The following CR1 variants were observed in gnomAD, a reference collection of about 807,000 sequenced individuals.
CR1 encodes the protein complement receptor type 1.
Under a neutral mutation model 187.3 loss-of-function variants are expected in CR1, and 116 were observed. The observed-to-expected ratio is 0.62, with a 90% CI of 0.53 to 0.72. The LOEUF is 0.72. Among genes scored for constraint, CR1 ranks in the 30% least tolerant of loss-of-function variants. CR1 has a pLI of 0.00. For synonymous variants in CR1, 576 were observed against 747.1 expected (o/e 0.77, Z 3.73); for missense variants, 1,731 against 2,110.7 (o/e 0.82, Z 3.52).
At chr1:207,500,020 C>A (rs1301408242) in intron 1 of CR1, among the ~76,000 whole-genome samples, 1 of 152,156 alleles carries the variant, frequency 6.6e-6, no homozygotes, top group Non-Finnish European at 1.5e-5. Context: ...TTGTCAGAGG[C>A]ATTAAGTAGA....
intron 28 of CR1, among the ~76,000 whole-genome samples, chr1:207,577,224 G>C (rs572135342): frequency 4.0e-5 from 6 of 151,358 alleles, no homozygotes; most frequent in African/African-American, 9.7e-5. Context: ...GCACTCCAGT[G>C]TGGGGAACAG....
intron 4 of CR1, among the ~76,000 whole-genome samples, chr1:207,516,576 T>C (rs1035577475): frequency 1.3e-5 from 2 of 152,190 alleles, no homozygotes; most frequent in African/African-American, 4.8e-5. Flanking sequence ...ACTCAGTAGA[T>C]CAATTTGTGG....
chr1:207,639,636 G>A lies in CR1; in HGVS notation c.*227G>A, dbSNP rs138523101. The A allele has an allele frequency of 9.1e-3, 4,525 of 496,282 alleles. 50 individuals carry two copies. The highest frequency in any genetic ancestry group is 0.01 in the Middle Eastern group (19 of 1,870). The allele number at this position is 496,282 out of a possible 1,614,324, so 30.7% of individuals were successfully genotyped here. Reference sequence around the variant, plus strand: ...CCCACCCTTCTGCCTCGTGCTAAACGCACACAGTATCTAGTCAGGGGAAAA... The same window carrying A: ...CCCACCCTTCTGCCTCGTGCTAAACACACACAGTATCTAGTCAGGGGAAAA... On this transcript the variant is annotated 3_prime_UTR_variant, in exon 47 of 47. Transcript: ENST00000367049.
intron 41 of CR1, among the ~76,000 whole-genome samples, chr1:207,617,598 TATATATATATATATAGAGAGAGAGAGAG>T (rs58902222): frequency 0.061 from 2,314 of 37,818 alleles, 41 homozygotes; most frequent in Admixed American, 0.13. Flanking sequence ...TATATATATA[TATATATATATATATAGAGAGAGAGAGAG>T]AGAGAGAGAG....
At chr1:207,564,311 T>C in intron 23 of CR1, 77 bp downstream of exon 23, 1 of 1,589,224 alleles carries the variant, frequency 6.3e-7, no homozygotes, top group Non-Finnish European at 8.5e-7. Flanking sequence ...AGATTTGGTG[T>C]GGCTTAAAAG....
chr1:207,508,847 T>C (rs1314360187), intron 3 of CR1, among the ~76,000 whole-genome samples: 1 of 152,086 alleles, frequency 6.6e-6, no homozygotes, highest in Non-Finnish European at 1.5e-5. Flanking sequence ...CCAATCAAAA[T>C]GCTGTAACTA....
intron 35 of CR1, among the ~76,000 whole-genome samples, chr1:207,594,366 C>A (rs1033517637): frequency 1.3e-5 from 2 of 152,028 alleles, no homozygotes; most frequent in Non-Finnish European, 2.9e-5. Context: ...GAAAACCAAC[C>A]ACCGCATGTT....
intron 1 of CR1, among the ~76,000 whole-genome samples, chr1:207,503,309 T>A (rs867933309): frequency 3.9e-5 from 6 of 152,234 alleles, no homozygotes; most frequent in Non-Finnish European, 8.8e-5. Flanking sequence ...CCAACATTTT[T>A]AATACTATAT....
intron 45 of CR1, among the ~76,000 whole-genome samples, chr1:207,624,302 G>C (rs1362673956): frequency 6.6e-6 from 1 of 152,076 alleles, no homozygotes; most frequent in Non-Finnish European, 1.5e-5. Context: ...CTTTGACAGG[G>C]AAGAGAACCT....
chr1:207,617,607 ATATATAGAGAGAGAGAGAGAGAG>A (rs1662176742), intron 41 of CR1, among the ~76,000 whole-genome samples: 1 of 7,862 alleles, frequency 1.3e-4, no homozygotes, highest in African/African-American at 6.4e-4. Context: ...ATATATATAT[ATATATAGAGAGAGAGAGAGAGAG>A]AGAGAGAGAG....
At chr1:207,584,251 A>G (rs1405648707) in intron 32 of CR1, among the ~76,000 whole-genome samples, 1 of 152,218 alleles carries the variant, frequency 6.6e-6, no homozygotes, top group East Asian at 1.9e-4. Context: ...TTGATGTCAA[A>G]GATCATATTT....
chr1:207,639,044 C>T (rs1662902425), intron 46 of CR1, among the ~76,000 whole-genome samples: 1 of 152,202 alleles, frequency 6.6e-6, no homozygotes, highest in African/African-American at 2.4e-5. Context: ...TGGGAATGCC[C>T]CAGTTTGTTG....
At chr1:207,624,250 GA>G (rs911210153) in intron 45 of CR1, among the ~76,000 whole-genome samples, 21 of 151,672 alleles carry the variant, frequency 1.4e-4, no homozygotes, top group Middle Eastern at 3.4e-3. Context: ...AAATTTGAAA[GA>G]AAAAAAACTT....
Position 207,565,240 on chromosome 1 carries a change from T to C in CR1, c.3867-598T>C, listed in dbSNP as rs1406636584. On this transcript the variant is annotated intron_variant, in intron 23 of 46. Coordinates refer to ENST00000367049, the MANE Select transcript of CR1 (RefSeq NM_000651.6). ...AGTAAGAGTTAGGAGGGCATCAGGG[T>C]CCAAAAGACTGAGAATTTTCGACAA... Among the ~76,000 whole-genome samples, 7 of 150,204 alleles carry C rather than the reference T, an allele frequency of 4.7e-5. 1 individual carries two copies. Among genetic ancestry groups the C allele is most frequent in the African/African-American group, 1.3e-4 (5 of 39,630 alleles).
At chr1:207,627,198 C>T (rs1042710897) in intron 45 of CR1, among the ~76,000 whole-genome samples, 1 of 152,098 alleles carries the variant, frequency 6.6e-6, no homozygotes, top group African/African-American at 2.4e-5. Flanking sequence ...CATGACCCCA[C>T]CCCCACATTC....
intron 1 of CR1, among the ~76,000 whole-genome samples, chr1:207,503,683 A>G (rs1234072376): frequency 6.6e-6 from 1 of 152,186 alleles, no homozygotes; most frequent in African/African-American, 2.4e-5. Context: ...TGCCCATCTC[A>G]AGATTCTTAA....
At chr1:207,617,206 T>C (rs1257252470) in intron 41 of CR1, among the ~76,000 whole-genome samples, 1 of 152,054 alleles carries the variant, frequency 6.6e-6, no homozygotes, top group African/African-American at 2.4e-5. Flanking sequence ...ACATTGATGA[T>C]GTAATTTACT....
At chr1:207,606,111 A>G (rs1571586757) in intron 35 of CR1, 1 of 152,336 alleles carries the variant, frequency 6.6e-6, no homozygotes, top group African/African-American at 2.4e-5. Context: ...ATCCACAGAA[A>G]CCTGGGTTCC....
chr1:207,582,994 T>G (rs1746658), intron 32 of CR1, among the ~76,000 whole-genome samples: 12,868 of 152,124 alleles, frequency 0.085, 1,846 homozygotes, highest in African/African-American at 0.29. Context: ...CCCATAGATA[T>G]GTAGAAGCCA....
Sources: allele counts gnomAD v4.1 joint callset (sites outside exome capture counted in the v4.1 genomes callset), GRCh38; gene constraint gnomAD v4.1.1; transcripts MANE v1.5; gene names NCBI Gene and HGNC (gene_info 2026-07-23, HGNC 2026-07-21).